Variants in NUCB2 observed in about 807,000 individuals in gnomAD.
NUCB2 encodes the protein nucleobindin 2.
NUCB2 carries 48 observed loss-of-function variants against 57.9 expected under a neutral mutation model. That is an observed-to-expected ratio of 0.83 (90% CI 0.66 to 1.05). The LOEUF (loss-of-function observed/expected upper bound fraction) is 1.05. Ranked by LOEUF, NUCB2 falls within the 50% of genes least tolerant of loss-of-function variation. The pLI is 0.00. For synonymous variants in NUCB2, 139 were observed against 152.1 expected, an observed-to-expected ratio of 0.91 and a Z score of 0.64; for missense variants, 442 against 476.2, an observed-to-expected ratio of 0.93 and a Z score of 0.67.
intron 11 of NUCB2, among the ~76,000 whole-genome samples, chr11:17,326,004 C>CTT (rs947591754): frequency 6.9e-6 from 1 of 145,170 alleles, no homozygotes; most frequent in East Asian, 2.0e-4. Context: ...GTTACTTTTT[C>CTT]TTTTTTTTTT....
At chr11:17,302,703 C>T (rs1267367779) in intron 5 of NUCB2, among the ~76,000 whole-genome samples, 1 of 151,346 alleles carries the variant, frequency 6.6e-6, no homozygotes, top group Non-Finnish European at 1.5e-5. Flanking sequence ...TCCCAAGTAG[C>T]TAGGAGTGCA....
At chr11:17,341,342 CCAACA>C (rs1952246641) in intron 2 of NUCB2, among the ~76,000 whole-genome samples, 1 of 151,794 alleles carries the variant, frequency 6.6e-6, no homozygotes, top group Non-Finnish European at 1.5e-5. Flanking sequence ...GCCAGAACTT[CCAACA>C]CTATGTTGAA....
chr11:17,315,830 A>G (rs1380168079), intron 11 of NUCB2, among the ~76,000 whole-genome samples: 2 of 152,224 alleles, frequency 1.3e-5, no homozygotes, highest in Non-Finnish European at 2.9e-5. Context: ...TATGCATCGT[A>G]CTGTGTTAAT....
At chr11:17,281,156 G>T (rs527525949) in intron 1 of NUCB2, among the ~76,000 whole-genome samples, 52 of 152,078 alleles carry the variant, frequency 3.4e-4, no homozygotes, top group Admixed American at 9.2e-4. Context: ...TTTAGACAGG[G>T]TCTTTCTCTG....
At position 17,348,260 on chromosome 11, in the gene NUCB2, C is replaced by T. The variant is rs77771320; in HGVS notation, n.2627-1085C>T. On this transcript the variant is annotated intron_variant and non_coding_transcript_variant, in intron 2 of 2. Transcript: ENST00000532240. ...GGTTGGACACTTTTAAAGAGTCCTTCAGCACAGCTACTTGGAACAACAATG... is the reference window on the plus strand; with the variant it reads ...GGTTGGACACTTTTAAAGAGTCCTTTAGCACAGCTACTTGGAACAACAATG... Among the ~76,000 whole-genome samples, 629 of 148,032 alleles carry T rather than the reference C, an allele frequency of 4.2e-3. 2 individuals are homozygous for T. The highest frequency in any genetic ancestry group is 0.036 in the Middle Eastern group (10 of 278).
At chr11:17,341,890 G>A (rs909218368) in intron 2 of NUCB2, among the ~76,000 whole-genome samples, 1 of 152,190 alleles carries the variant, frequency 6.6e-6, no homozygotes, top group Non-Finnish European at 1.5e-5. Context: ...CAGAAGGAAT[G>A]GTACCAGCTC....
intron 5 of NUCB2, among the ~76,000 whole-genome samples, chr11:17,307,456 G>T (rs1947848423): frequency 6.6e-6 from 1 of 152,166 alleles, no homozygotes; most frequent in African/African-American, 2.4e-5. Context: ...CACTGTGCCT[G>T]ACTCTTGAGT....
chr11:17,313,483 T>G (rs193138745), intron 10 of NUCB2, among the ~76,000 whole-genome samples: 5 of 152,124 alleles, frequency 3.3e-5, no homozygotes, highest in Admixed American at 1.3e-4. Context: ...TGAGCCAAGA[T>G]TACACCACTG....
At chr11:17,319,704 AC>A in intron 11 of NUCB2, among the ~76,000 whole-genome samples, 1 of 152,270 alleles carries the variant, frequency 6.6e-6, no homozygotes. Context: ...TTGCAATCCA[AC>A]AACTCTTGAT....
intron 4 of NUCB2, among the ~76,000 whole-genome samples, chr11:17,301,112 A>G (rs1026362855): frequency 2.1e-5 from 3 of 144,330 alleles, no homozygotes; most frequent in African/African-American, 5.2e-5. Flanking sequence ...AGCTGAGATT[A>G]CAGGCATGGG....
chr11:17,293,121 G>A (rs1280423390), intron 2 of NUCB2, among the ~76,000 whole-genome samples: 2 of 152,100 alleles, frequency 1.3e-5, no homozygotes, highest in African/African-American at 4.8e-5. Flanking sequence ...GGGCGTGGTG[G>A]TGGGTACCTG....
intron 7 of NUCB2, 90 bp from the exon 8 acceptor site, chr11:17,311,103 T>C: frequency 7.1e-7 from 1 of 1,412,412 alleles, no homozygotes; most frequent in Non-Finnish European, 9.6e-7. Flanking sequence ...TAAATCTTGA[T>C]TCTTCTGCCA....
intron 1 of NUCB2, among the ~76,000 whole-genome samples, chr11:17,282,222 A>C (rs1018291191): frequency 1.0e-3 from 63 of 63,232 alleles, no homozygotes; most frequent in African/African-American, 2.5e-3. Flanking sequence ...ATCTATATCT[A>C]TCTATCTATC....
At chr11:17,326,317 T>C (rs1331302871) in intron 11 of NUCB2, among the ~76,000 whole-genome samples, 1 of 143,300 alleles carries the variant, frequency 7.0e-6, no homozygotes, top group Admixed American at 7.1e-5. Context: ...TACCGTTTTT[T>C]TTTTTTTTTT....
At chr11:17,291,560 A>AAAAAAAAAAAAAAAAC (rs1944948046) in intron 2 of NUCB2, among the ~76,000 whole-genome samples, 1 of 150,112 alleles carries the variant, frequency 6.7e-6, no homozygotes, top group Non-Finnish European at 1.5e-5. Flanking sequence ...AAAAAAAAAA[A>AAAAAAAAAAAAAAAAC]TCAGTCTTTT....
intron 4 of NUCB2, among the ~76,000 whole-genome samples, chr11:17,298,256 C>A (rs1338918064): frequency 6.6e-6 from 1 of 151,774 alleles, no homozygotes; most frequent in East Asian, 1.9e-4. Flanking sequence ...TAAAAATTAT[C>A]CTTCAAATTA....
At chr11:17,313,278 C>A (rs1237863687) in intron 10 of NUCB2, among the ~76,000 whole-genome samples, 1 of 151,820 alleles carries the variant, frequency 6.6e-6, no homozygotes, top group African/African-American at 2.4e-5. Context: ...GCCTATAATC[C>A]CAGCACTTTG....
rs1323093321 is a variant in NUCB2, at chr11:17,330,960, C to T, written c.1232C>T (p.Ala411Val). The change falls in exon 13 of 14, where the codon GCT (alanine) becomes GTT (valine). Residue 411 changes from alanine (A) to valine (V), a missense_variant. Coordinates refer to ENST00000529010, the MANE Select transcript of NUCB2 (RefSeq NM_005013.4). The surrounding 1 kb of genome is among the most constrained non-coding windows in gnomAD (Gnocchi z 4.3). ...CAAGGAATTCCTCCATCAGGGCCAG[C>T]TGGAGAATTGAAGTTTGAGCCACGT... ...LQQGIPPSGP[A>V]GELKFEPHI The T allele has an allele frequency of 1.9e-6, 3 of 1,609,506 alleles. No homozygotes were observed. The highest frequency in any genetic ancestry group is 3.4e-5 in the Admixed American group (2 of 59,632).
intron 2 of NUCB2, among the ~76,000 whole-genome samples, chr11:17,340,832 A>C (rs1952201072): frequency 6.6e-6 from 1 of 152,148 alleles, no homozygotes; most frequent in Admixed American, 6.6e-5. Context: ...TATGAACTTT[A>C]AAGTAGTTTT....
Sources: gnomAD v4.1 joint callset for allele counts (sites outside exome capture counted in the v4.1 genomes callset) on GRCh38, gnomAD v4.1.1 for gene constraint, Gnocchi (gnomAD v3.1) non-coding constraint, MANE v1.5 for transcripts, NCBI Gene and HGNC (gene_info 2026-07-23, HGNC 2026-07-21) for gene names.